Variants in COL6A6 observed in about 807,000 individuals in gnomAD.
COL6A6 encodes the protein collagen alpha-6(VI) chain.
COL6A6 carries 183 observed loss-of-function variants against 208.6 expected under a neutral mutation model. The observed-to-expected ratio is 0.88, with a 90% CI of 0.78 to 0.99. The LOEUF (loss-of-function observed/expected upper bound fraction) is 0.99. Among genes scored for constraint, COL6A6 ranks in the 50% least tolerant of loss-of-function variants. COL6A6 has a pLI of 0.00. For synonymous variants in COL6A6, 973 were observed against 1,011.8 expected, an observed-to-expected ratio of 0.96 and a Z score of 0.73; for missense variants, 2,816 against 2,815.2, an observed-to-expected ratio of 1.00 and a Z score of -0.01.
At chr3:130,592,951 C>T in intron 15 of COL6A6, 110 bp from the exon 16 acceptor site, 1 of 1,020,390 alleles carries the variant, frequency 9.8e-7, no homozygotes, top group South Asian at 1.5e-5. Context: ...CCAGGCCCAG[C>T]CTCACAAGGA....
intron 1 of COL6A6, among the ~76,000 whole-genome samples, chr3:130,549,428 A>G (rs969394470): frequency 2.0e-5 from 3 of 152,182 alleles, no homozygotes; most frequent in Admixed American, 6.5e-5. Context: ...GTTTTGTTGC[A>G]ATTGCTTTTC....
At chr3:130,561,186 C>G (rs968445194) in intron 2 of COL6A6, among the ~76,000 whole-genome samples, 1 of 152,218 alleles carries the variant, frequency 6.6e-6, no homozygotes, top group South Asian at 2.1e-4. Context: ...TTATGTGCCA[C>G]TCATCTACAT....
At chr3:130,639,206 A>G (rs1254887173) in intron 28 of COL6A6, among the ~76,000 whole-genome samples, 1 of 151,990 alleles carries the variant, frequency 6.6e-6, no homozygotes, top group Non-Finnish European at 1.5e-5. Flanking sequence ...TGTTCTCTGA[A>G]TGTTCCTTTT....
intron 23 of COL6A6, among the ~76,000 whole-genome samples, chr3:130,614,552 C>T (rs950213213): frequency 6.6e-6 from 1 of 152,070 alleles, no homozygotes; most frequent in Non-Finnish European, 1.5e-5. Flanking sequence ...GTCCCTCTAC[C>T]TCACCTTTTA....
intron 33 of COL6A6, among the ~76,000 whole-genome samples, chr3:130,651,811 TA>T (rs768472256): frequency 4.9e-4 from 74 of 152,348 alleles, no homozygotes; most frequent in Non-Finnish European, 9.6e-4. Context: ...GATATAAACT[TA>T]AACTGACACA....
intron 1 of COL6A6, among the ~76,000 whole-genome samples, chr3:130,526,124 A>G (rs2061956068): frequency 6.6e-6 from 1 of 152,162 alleles, no homozygotes; most frequent in African/African-American, 2.4e-5. Context: ...TACCTTAATT[A>G]AGAAATTAAT....
At chr3:130,568,026 A>C in intron 5 of COL6A6, 21 bp from the exon 6 acceptor site, 1 of 1,573,130 alleles carries the variant, frequency 6.4e-7, no homozygotes, top group Admixed American at 1.9e-5. Flanking sequence ...TTGAATAAAC[A>C]TCACAGTTTT....
chr3:130,644,288 GA>G, intron 31 of COL6A6, among the ~76,000 whole-genome samples: 1 of 152,344 alleles, frequency 6.6e-6, no homozygotes, highest in East Asian at 1.9e-4. Flanking sequence ...TTGTCCAATA[GA>G]AGTTTCTGCA....
At chr3:130,527,634 T>C (rs1196651937) in intron 1 of COL6A6, among the ~76,000 whole-genome samples, 1 of 152,238 alleles carries the variant, frequency 6.6e-6, no homozygotes, top group Admixed American at 6.5e-5. Context: ...TCTAATTAAA[T>C]TGCTGATACA....
intron 36 of COL6A6, among the ~76,000 whole-genome samples, chr3:130,674,920 A>G (rs1332699884): frequency 2.0e-5 from 3 of 152,216 alleles, no homozygotes; most frequent in Non-Finnish European, 2.9e-5. Flanking sequence ...CCAAATCTAA[A>G]CAATCAGAAG....
chr3:130,530,718 G>C (rs1447395562), intron 1 of COL6A6, among the ~76,000 whole-genome samples: 3 of 152,160 alleles, frequency 2.0e-5, no homozygotes, highest in Non-Finnish European at 4.4e-5. Context: ...TCTCCGTGTT[G>C]CTGTGAAGGT....
At chr3:130,543,332 A>G (rs796286731) in intron 1 of COL6A6, among the ~76,000 whole-genome samples, 4 of 152,366 alleles carry the variant, frequency 2.6e-5, no homozygotes, top group African/African-American at 9.6e-5. Flanking sequence ...GACCATTGAC[A>G]TTCAAATGAT....
intron 32 of COL6A6, among the ~76,000 whole-genome samples, chr3:130,645,680 G>A (rs535377349): frequency 3.7e-4 from 56 of 152,302 alleles, no homozygotes; most frequent in African/African-American, 1.3e-3. Flanking sequence ...GAATAAAAGT[G>A]GGGATGATCA....
intron 33 of COL6A6, among the ~76,000 whole-genome samples, chr3:130,657,465 T>C (rs982526062): frequency 7.2e-5 from 11 of 152,268 alleles, no homozygotes; most frequent in African/African-American, 2.4e-4. Flanking sequence ...ACAGCTTGAC[T>C]GATTACGGTT....
intron 36 of COL6A6, among the ~76,000 whole-genome samples, chr3:130,667,517 G>A (rs755514039): frequency 6.6e-6 from 1 of 152,172 alleles, no homozygotes; most frequent in Non-Finnish European, 1.5e-5. Context: ...AGGATTACAG[G>A]CGTGAGCCAC....
intron 1 of COL6A6, among the ~76,000 whole-genome samples, chr3:130,545,421 A>G (rs1294095445): frequency 4.0e-5 from 6 of 149,796 alleles, no homozygotes; most frequent in Non-Finnish European, 1.5e-5. Flanking sequence ...GCTCCAAGTG[A>G]GGGTTTTCCA....
intron 36 of COL6A6, among the ~76,000 whole-genome samples, chr3:130,670,168 T>C (rs568744735): frequency 1.3e-5 from 2 of 152,334 alleles, no homozygotes; most frequent in East Asian, 3.9e-4. Context: ...GGCCTGTGAA[T>C]TAAGTCCAAG....
At position 130,570,914 on chromosome 3, in the gene COL6A6, T is replaced by G; in HGVS notation, c.2498T>G (p.Ile833Ser). Residue 833 changes from isoleucine to serine, a missense_variant, in exon 7 of 37, where the codon ATT (isoleucine) becomes AGT (serine). Ile to Ser is a moderately radical substitution (Grantham distance 142, BLOSUM62 -2). Coordinates refer to ENST00000358511, the MANE Select transcript of COL6A6 (RefSeq NM_001102608.3). ...DEYNIMKDFM[I>S]GLVKKADVGK... Reference sequence around the variant, plus strand: ...TATAATATCATGAAGGATTTTATGATTGGCTTAGTGAAAAAAGCTGATGTG... The same window carrying G: ...TATAATATCATGAAGGATTTTATGAGTGGCTTAGTGAAAAAAGCTGATGTG... The G allele has an allele frequency of 6.2e-7, 1 of 1,614,014 alleles. No individual in the cohort carries two copies. The highest frequency in any genetic ancestry group is 8.5e-7 in the Non-Finnish European group (1 of 1,179,878).
chr3:130,607,523 G>T (rs1200462037), intron 21 of COL6A6, among the ~76,000 whole-genome samples: 1 of 152,064 alleles, frequency 6.6e-6, no homozygotes, highest in Non-Finnish European at 1.5e-5. Context: ...AAAATACAAT[G>T]AGGATAAATA....
Sources: allele counts gnomAD v4.1 joint callset (sites outside exome capture counted in the v4.1 genomes callset), GRCh38; gene constraint gnomAD v4.1.1; transcripts MANE v1.5; gene names NCBI Gene and HGNC (gene_info 2026-07-23, HGNC 2026-07-21).